Variants in C6orf47 observed in about 807,000 individuals in gnomAD.
C6orf47 encodes the protein uncharacterized protein C6orf47.
C6orf47 carries 1 observed loss-of-function variant against 5.6 expected under a neutral mutation model. The ratio of observed to expected loss-of-function variants is 0.18; its 90% CI spans 0.06 to 0.85. The LOEUF is 0.85. C6orf47 is among the 40% of genes least tolerant of loss of function. The pLI is 0.70. For missense variants in C6orf47, 323 were observed against 367.1 expected (o/e 0.88, Z 0.98); for synonymous variants, 149 against 161.7 (o/e 0.92, Z 0.60).
rs1421495300 is a variant in C6orf47 at position 31,659,784 on chromosome 6, T to G, written c.164A>C (p.His55Pro). The G allele has an allele frequency of 1.2e-6, 2 of 1,612,972 alleles. No homozygotes were observed. Among genetic ancestry groups the G allele is most frequent in the African/African-American group, 1.3e-5 (1 of 74,936 alleles). ...SAPETMEDVG[H>P]PKTKDSGALR... ...TGCCCCCGAGTCCTTAGTCTTGGGA[T>G]GCCCCACATCTTCCATGGTTTCTGG... The change falls in exon 1 of 1, where the codon CAT (histidine) becomes CCT (proline). Residue 55 changes from histidine (H) to proline (P), a missense_variant. Transcript: ENST00000375911. This position sits in a 1 kb window ranked among gnomAD's most constrained non-coding sequence, Gnocchi z 5.6.
Position 31,660,025 on chromosome 6 carries a change from G to T in C6orf47, c.-78C>A. ...TCAGACTCTCAGGATCTCCTCAGAA[G>T]CCAGAGTCTTTCTGGCTCAGAACAG... On this transcript the variant is annotated 5_prime_UTR_variant, in exon 1 of 1. Transcript: ENST00000375911. This position sits in a 1 kb window ranked among gnomAD's most constrained non-coding sequence, Gnocchi z 4.7. 2.8e-6 allele frequency: 4 copies of T among 1,443,642 alleles called. No individual in the cohort carries two copies. The highest frequency in any genetic ancestry group is 3.7e-6 in the Non-Finnish European group (4 of 1,087,478). 89.4% of individuals were successfully genotyped at this position (1,443,642 alleles called of 1,614,324 possible). A position where few individuals can be genotyped will look rare whatever the true frequency, so the allele number is the denominator to read the frequency against.
At position 31,658,981 on chromosome 6, in the gene C6orf47, C is replaced by G. The variant is rs551344196; in HGVS notation, c.*82G>C. ...CGGGTTTCTTCCCCATCCCTGAGGT[C>G]CCTATGCTTACAATTTGGGTCATGC... On this transcript the variant is annotated 3_prime_UTR_variant, in exon 1 of 1. Coordinates refer to ENST00000375911, the MANE Select transcript of C6orf47 (RefSeq NM_021184.4). 6.6e-7 allele frequency: 1 copy of G among 1,504,322 alleles called. No individual in the cohort carries two copies. The highest frequency in any genetic ancestry group is 9.1e-7 in the Non-Finnish European group (1 of 1,103,958). The allele number at this position is 1,504,322 out of a possible 1,614,324, so 93.2% of individuals were successfully genotyped here.
In C6orf47 at chr6:31,660,657, C is replaced by G. The variant is rs930733944; in HGVS notation, c.-710G>C. The stretch of plus-strand genomic sequence containing the variant: ...CCCAGTTACGAAGCAAAGCGCGGGC[C>G]TACTTCGGGACCTACGCGTCCGGGC... On this transcript the variant is annotated 5_prime_UTR_variant, in exon 1 of 1. Transcript: ENST00000375911. This position sits in a 1 kb window ranked among gnomAD's most constrained non-coding sequence, Gnocchi z 4.7. The G allele has an allele frequency of 1.2e-5, 2 of 166,876 alleles. No homozygotes were observed. The highest frequency in any genetic ancestry group is 2.9e-5 in the Non-Finnish European group (2 of 68,130). The allele number at this position is 166,876 out of a possible 1,614,324, so 10.3% of individuals were successfully genotyped here. A position where few individuals can be genotyped will look rare whatever the true frequency, so the allele number is the denominator to read the frequency against.
At position 31,658,916 on chromosome 6, in the gene C6orf47, T is replaced by A. The variant is rs1800450671; in HGVS notation, c.*147A>T. ...ACACAAACACCCTAAATAGTTCTGTTCTCTCCTGTGTATGAAGGGGGGCCC... is the reference window on the plus strand; with the variant it reads ...ACACAAACACCCTAAATAGTTCTGTACTCTCCTGTGTATGAAGGGGGGCCC... On this transcript the variant is annotated 3_prime_UTR_variant, in exon 1 of 1. Transcript: ENST00000375911. 1.2e-6 allele frequency: 1 copy of A among 818,104 alleles called. No homozygotes were observed. Among genetic ancestry groups the A allele is most frequent in the African/African-American group, 1.7e-5 (1 of 58,132 alleles). The allele number at this position is 818,104 out of a possible 1,614,324, so 50.7% of individuals were successfully genotyped here.
rs1800578198 is a variant in C6orf47 at position 31,659,619 on chromosome 6, C to T, written c.329G>A (p.Gly110Glu). 1.2e-6 allele frequency: 2 copies of T among 1,612,930 alleles called. No individual in the cohort carries two copies. Among genetic ancestry groups the T allele is most frequent in the East Asian group, 2.2e-5 (1 of 44,886 alleles). The change falls in exon 1 of 1, where the codon GGG (glycine) becomes GAG (glutamate). Residue 110 changes from glycine (G) to glutamate (E), a missense_variant. Physicochemically the swap from Gly to Glu is moderately conservative, Grantham distance 98. Coordinates refer to ENST00000375911, the MANE Select transcript of C6orf47 (RefSeq NM_021184.4). This position sits in a 1 kb window ranked among gnomAD's most constrained non-coding sequence, Gnocchi z 5.6. ...TQESGRLEAG[G>E]ASPKLRWDHV... is the part of the protein sequence containing the mutation. The stretch of plus-strand genomic sequence containing the variant: ...ATCCCATCTGAGTTTGGGACTGGCC[C>T]CTCCAGCCTCCAGTCTCCCAGACTC...
Position 31,660,187 on chromosome 6 carries a change from C to T in C6orf47, c.-240G>A. On this transcript the variant is annotated 5_prime_UTR_variant, in exon 1 of 1. An upstream start codon of the reference 5' UTR is lost. Coordinates refer to ENST00000375911, the MANE Select transcript of C6orf47 (RefSeq NM_021184.4). This position sits in a 1 kb window ranked among gnomAD's most constrained non-coding sequence, Gnocchi z 4.7. ...GGGTAAAGGGGGGCATACCCAAATT[C>T]ATTCACCATCCACACCCCCACAATC... is the stretch of plus-strand genomic sequence containing the variant. The T allele has an allele frequency of 1.8e-6, 1 of 552,538 alleles. No individual in the cohort carries two copies. The highest frequency in any genetic ancestry group is 3.3e-6 in the Non-Finnish European group (1 of 306,584). The allele number at this position is 552,538 out of a possible 1,614,324, so 34.2% of individuals were successfully genotyped here.
At position 31,659,395 on chromosome 6, in the gene C6orf47, G is replaced by A. The variant is rs1800536356; in HGVS notation, c.553C>T (p.His185Tyr). The A allele has an allele frequency of 1.9e-6, 3 of 1,613,100 alleles. No homozygotes were observed. Among genetic ancestry groups the A allele is most frequent in the African/African-American group, 2.7e-5 (2 of 75,074 alleles). ...GCAGAGGCCAGCAGCTCCAGAAGATGCAGGGTCAGGTTGGTGGAGATCTGC... is the reference window on the plus strand; with the variant it reads ...GCAGAGGCCAGCAGCTCCAGAAGATACAGGGTCAGGTTGGTGGAGATCTGC... ...CLQISTNLTL[H>Y]LLELLASALL... Residue 185 changes from histidine to tyrosine, a missense_variant, in exon 1 of 1, where the codon CAT becomes TAT. By Grantham distance (83) the His-to-Tyr change is moderately conservative. Transcript: ENST00000375911. This position sits in a 1 kb window ranked among gnomAD's most constrained non-coding sequence, Gnocchi z 5.6.
chr6:31,659,431 C>T lies in C6orf47; in HGVS notation c.517G>A (p.Glu173Lys), dbSNP rs771619395. 2.5e-6 allele frequency: 4 copies of T among 1,612,860 alleles called. No homozygotes were observed. The highest frequency in any genetic ancestry group is 1.3e-5 in the African/African-American group (1 of 74,912). The change falls in exon 1 of 1, where the codon GAA becomes AAA. Residue 173 changes from glutamate to lysine, a missense_variant. By Grantham distance (56) the Glu-to-Lys change is moderately conservative. Coordinates refer to ENST00000375911, the MANE Select transcript of C6orf47 (RefSeq NM_021184.4). The surrounding 1 kb of genome is among the most constrained non-coding windows in gnomAD (Gnocchi z 5.6). Reference sequence around the variant, plus strand: ...TTGGTGGAGATCTGCAGACACTCTTCTGGGCCCCCCAAGTACCGGGAGGGA... The same window carrying T: ...TTGGTGGAGATCTGCAGACACTCTTTTGGGCCCCCCAAGTACCGGGAGGGA... ...GAPSRYLGGP[E>K]ECLQISTNLT...
In C6orf47 at chr6:31,659,359, GGGCCAGCAGGGCAGA is replaced by G. The variant is rs768554563; in HGVS notation, c.574_588del (p.Ser192_Ala196del). The G allele has an allele frequency of 2.0e-5, 32 of 1,613,136 alleles. 1 individual carries two copies. The South Asian group carries it at 3.5e-4, about 18-fold the overall frequency. On this transcript the variant is annotated inframe_deletion, in exon 1 of 1. Transcript: ENST00000375911. This position sits in a 1 kb window ranked among gnomAD's most constrained non-coding sequence, Gnocchi z 5.6. ...GCTGCCCGCAGTGGTCGTGAGCACA[GGGCCAGCAGGGCAGA>G]GGCCAGCAGCTCCAGAAGATGCAGG...
rs772325852 is a variant in C6orf47 at position 31,659,698 on chromosome 6, C to T, written c.250G>A (p.Gly84Arg). The change falls in exon 1 of 1, where the codon GGG (glycine) becomes AGG (arginine). Residue 84 changes from glycine (G) to arginine (R), a missense_variant. Physicochemically the swap from Gly to Arg is moderately radical, Grantham distance 125. Transcript: ENST00000375911. This position sits in a 1 kb window ranked among gnomAD's most constrained non-coding sequence, Gnocchi z 5.6. ...TTGAGGGAATCCATTCTTTTGCTCC[C>T]TAGCTGCTCAACTTGGGGCTCCTCC... is the stretch of plus-strand genomic sequence containing the variant. ...SKEEPQVEQL[G>R]SKRMDSLKWD... 1.9e-6 allele frequency: 3 copies of T among 1,613,082 alleles called. No individual in the cohort carries two copies. The highest frequency in any genetic ancestry group is 3.3e-5 in the Admixed American group (2 of 60,026).
At position 31,659,766 on chromosome 6, in the gene C6orf47, G is replaced by A. The variant is rs200202130; in HGVS notation, c.182C>T (p.Ser61Leu). 6.6e-5 allele frequency: 106 copies of A among 1,612,916 alleles called. No homozygotes were observed. The highest frequency in any genetic ancestry group is 8.2e-5 in the Non-Finnish European group (97 of 1,180,020). Reference sequence around the variant, plus strand: ...AGCCCCAGAAACCCTCAATGCCCCCGAGTCCTTAGTCTTGGGATGCCCCAC... The same window carrying A: ...AGCCCCAGAAACCCTCAATGCCCCCAAGTCCTTAGTCTTGGGATGCCCCAC... ...EDVGHPKTKD[S>L]GALRVSGAAS... Residue 61 changes from serine (S) to leucine (L), a missense_variant, in exon 1 of 1, where the codon TCG (serine) becomes TTG (leucine). By Grantham distance (145) the Ser-to-Leu change is moderately radical. Coordinates refer to ENST00000375911, the MANE Select transcript of C6orf47 (RefSeq NM_021184.4). This position sits in a 1 kb window ranked among gnomAD's most constrained non-coding sequence, Gnocchi z 5.6.
Position 31,659,910 on chromosome 6 carries a change from G to C in C6orf47, c.38C>G (p.Pro13Arg). 1.3e-6 allele frequency: 2 copies of C among 1,593,662 alleles called. No individual in the cohort carries two copies. Among genetic ancestry groups the C allele is most frequent in the Non-Finnish European group, 1.7e-6 (2 of 1,169,440 alleles). ...CCTCATTGGTTTCCGGCGGCCCCAA[G>C]GGCGAGGTAGCCAGCCACCAAGCCG... ...LRRLGGWLPR[P>R]WGRRKPMRPD... The change falls in exon 1 of 1, where the codon CCT (proline) becomes CGT (arginine). Residue 13 changes from proline to arginine, a missense_variant. Pro to Arg is a moderately radical substitution (Grantham distance 103). Coordinates refer to ENST00000375911, the MANE Select transcript of C6orf47 (RefSeq NM_021184.4). This position sits in a 1 kb window ranked among gnomAD's most constrained non-coding sequence, Gnocchi z 5.6.
chr6:31,658,696 C>G lies in C6orf47; in HGVS notation c.*367G>C. On this transcript the variant is annotated 3_prime_UTR_variant, in exon 1 of 1. Transcript: ENST00000375911. The stretch of plus-strand genomic sequence containing the variant: ...ACTGCAGAGGTCTGTCTATCCTGCC[C>G]TGGTCTCCTCCACCCCAGGAGAGTT... 1 of 260,718 alleles carries G rather than the reference C, an allele frequency of 3.8e-6. No individual in the cohort carries two copies. The allele number at this position is 260,718 out of a possible 1,614,324, so 16.2% of individuals were successfully genotyped here.
chr6:31,659,151 T>C lies in C6orf47; in HGVS notation c.797A>G (p.Asn266Ser), dbSNP rs533955079. The change falls in exon 1 of 1, where the codon AAT (asparagine) becomes AGT (serine). Residue 266 changes from asparagine to serine, a missense_variant. Physicochemically the swap from Asn to Ser is conservative, Grantham distance 46. Coordinates refer to ENST00000375911, the MANE Select transcript of C6orf47 (RefSeq NM_021184.4). This position sits in a 1 kb window ranked among gnomAD's most constrained non-coding sequence, Gnocchi z 5.6. ...CCAGTCAGTGGCCGCCTCATCCCCA[T>C]TGGGCTCCCGGAGGCTGACAGCCAG... is the stretch of plus-strand genomic sequence containing the variant. ...LVLAVSLREP[N>S]GDEAATDWES... The C allele has an allele frequency of 9.9e-6, 16 of 1,613,046 alleles. No individual in the cohort carries two copies. The highest frequency in any genetic ancestry group is 4.5e-5 in the East Asian group (2 of 44,886).
Position 31,659,316 on chromosome 6 carries a change from A to G in C6orf47, c.632T>C (p.Leu211Pro). Residue 211 changes from leucine (L) to proline (P), a missense_variant, in exon 1 of 1, where the codon CTG becomes CCG. Transcript: ENST00000375911. This position sits in a 1 kb window ranked among gnomAD's most constrained non-coding sequence, Gnocchi z 5.6. ...TAGCCAGAGGCCCAGCGGTCCACGC[A>G]GGCCCAGTGTGTCCAAGGCTGCCCG... is the stretch of plus-strand genomic sequence containing the variant. ...PLRAALDTLGLRGPLGLWLHG... is the reference protein window; with the variant it reads ...PLRAALDTLGPRGPLGLWLHG... 6.2e-7 allele frequency: 1 copy of G among 1,613,088 alleles called. No individual in the cohort carries two copies. The highest frequency in any genetic ancestry group is 8.5e-7 in the Non-Finnish European group (1 of 1,180,004).
Position 31,658,392 on chromosome 6 carries a change from A to C in C6orf47, c.*671T>G. ...TGACACAGTTATTTATTGCTGAGTGAGCAAACCCCTAGCCCCCAAGTGGGG... is the reference window on the plus strand; with the variant it reads ...TGACACAGTTATTTATTGCTGAGTGCGCAAACCCCTAGCCCCCAAGTGGGG... On this transcript the variant is annotated 3_prime_UTR_variant, in exon 1 of 1. Coordinates refer to ENST00000375911, the MANE Select transcript of C6orf47 (RefSeq NM_021184.4). 2.1e-6 allele frequency: 1 copy of C among 484,048 alleles called. No homozygotes were observed. The highest frequency in any genetic ancestry group is 3.7e-6 in the Non-Finnish European group (1 of 267,228). The allele number at this position is 484,048 out of a possible 1,614,324, so 30.0% of individuals were successfully genotyped here. A position where few individuals can be genotyped will look rare whatever the true frequency, so the allele number is the denominator to read the frequency against.
At position 31,659,628 on chromosome 6, in the gene C6orf47, T is replaced by G; in HGVS notation, c.320A>C (p.Glu107Ala). ...ISSTQESGRL[E>A]AGGASPKLRW... ...GAGTTTGGGACTGGCCCCTCCAGCC[T>G]CCAGTCTCCCAGACTCTTGAGTGCT... Residue 107 changes from glutamate to alanine, a missense_variant, in exon 1 of 1, where the codon GAG becomes GCG. Glu to Ala is a moderately radical substitution (Grantham distance 107). Transcript: ENST00000375911. The surrounding 1 kb of genome is among the most constrained non-coding windows in gnomAD (Gnocchi z 5.6). 1 of 1,612,958 alleles carries G rather than the reference T, an allele frequency of 6.2e-7. No homozygotes were observed. Among genetic ancestry groups the G allele is most frequent in the Non-Finnish European group, 8.5e-7 (1 of 1,180,000 alleles).
Position 31,659,331 on chromosome 6 carries a change from A to G in C6orf47, c.617T>C (p.Leu206Ser). The change falls in exon 1 of 1, where the codon TTG becomes TCG. Residue 206 changes from leucine to serine, a missense_variant. Transcript: ENST00000375911. This position sits in a 1 kb window ranked among gnomAD's most constrained non-coding sequence, Gnocchi z 5.6. ...CGGTCCACGCAGGCCCAGTGTGTCC[A>G]AGGCTGCCCGCAGTGGTCGTGAGCA... ...ALCSRPLRAA[L>S]DTLGLRGPLG... 3 of 1,613,074 alleles carry G rather than the reference A, an allele frequency of 1.9e-6. No homozygotes were observed. Among genetic ancestry groups the G allele is most frequent in the Non-Finnish European group, 2.5e-6 (3 of 1,180,010 alleles).
Position 31,659,879 on chromosome 6 carries a change from G to A in C6orf47, c.69C>T (p.Asp23=), listed in dbSNP as rs1340081969. ...PWGRRKPMRP[D]PPYPEPRRVD... ...CCCGTCTGGGTTCTGGGTAAGGCGG[G>A]TCAGGCCTCATTGGTTTCCGGCGGC... The change falls in exon 1 of 1, where the codon GAC becomes GAT. Residue 23 remains aspartate (D), a synonymous_variant. Transcript: ENST00000375911. The surrounding 1 kb of genome is among the most constrained non-coding windows in gnomAD (Gnocchi z 5.6). 2 of 1,610,632 alleles carry A rather than the reference G, an allele frequency of 1.2e-6. No homozygotes were observed. The highest frequency in any genetic ancestry group is 1.7e-6 in the Non-Finnish European group (2 of 1,178,820).
Sources: gnomAD v4.1 joint callset for allele counts on GRCh38, gnomAD v4.1.1 for gene constraint, Gnocchi (gnomAD v3.1) non-coding constraint, MANE v1.5 for transcripts, NCBI Gene and HGNC (gene_info 2026-07-23, HGNC 2026-07-21) for gene names.